MDGA2: variants seen among roughly 807,000 people sequenced by gnomAD.
The protein encoded by MDGA2 is MAM domain containing glycosylphosphatidylinositol anchor 2.
A neutral mutation model predicts 117.8 loss-of-function variants in MDGA2; 40 were observed. The observed-to-expected ratio is 0.34, with a 90% confidence interval of 0.26 to 0.44. The LOEUF is 0.44. MDGA2 is among the 20% of genes least tolerant of loss of function. The pLI, the probability that MDGA2 is intolerant of heterozygous loss-of-function variation, is 1.00. For synonymous variants in MDGA2, 452 were observed against 439.0 expected (o/e 1.03, Z -0.37); for missense variants, 1,123 against 1,250.6 (o/e 0.90, Z 1.54).
chr14:47,563,430 G>C (rs1895852050), intron 1 of MDGA2, among the ~76,000 whole-genome samples: 1 of 152,034 alleles, frequency 6.6e-6, no homozygotes, highest in Admixed American at 6.5e-5. Context: ...TGTGTTAGGT[G>C]CATATATATT....
chr14:47,551,396 C>A (rs542591848), intron 1 of MDGA2, among the ~76,000 whole-genome samples: 1 of 152,296 alleles, frequency 6.6e-6, no homozygotes, highest in South Asian at 2.1e-4. Flanking sequence ...AACATATCTA[C>A]TGCATGCAGC....
intron 1 of MDGA2, among the ~76,000 whole-genome samples, chr14:47,510,468 C>T (rs1204191470): frequency 6.6e-6 from 1 of 152,170 alleles, no homozygotes; most frequent in Admixed American, 6.5e-5. Flanking sequence ...CAAACCTTAA[C>T]TTATCTTGGC....
chr14:46,893,485 A>G (rs1010895496), intron 10 of MDGA2, among the ~76,000 whole-genome samples: 2 of 151,998 alleles, frequency 1.3e-5, no homozygotes, highest in African/African-American at 2.4e-5. Flanking sequence ...ATTTGCTAAG[A>G]GAGTCAATTT....
At chr14:46,865,152 C>A (rs1234327082) in intron 14 of MDGA2, among the ~76,000 whole-genome samples, 1 of 152,036 alleles carries the variant, frequency 6.6e-6, no homozygotes, top group Non-Finnish European at 1.5e-5. Flanking sequence ...AAATCAAACT[C>A]ATAAAATCAT....
At chr14:47,070,666 T>C (rs1185891161) in intron 6 of MDGA2, among the ~76,000 whole-genome samples, 1 of 152,140 alleles carries the variant, frequency 6.6e-6, no homozygotes, top group East Asian at 1.9e-4. Flanking sequence ...AGTGCAGTGG[T>C]GTGATCTTGG....
chr14:47,090,598 A>T (rs566581848), intron 6 of MDGA2, among the ~76,000 whole-genome samples: 1 of 152,320 alleles, frequency 6.6e-6, no homozygotes, highest in East Asian at 1.9e-4. Flanking sequence ...TGTCTGTTCC[A>T]TAACAGGGTA....
chr14:46,843,322 GAATTT>G (rs1033574804), intron 16 of MDGA2, among the ~76,000 whole-genome samples: 17 of 151,944 alleles, frequency 1.1e-4, no homozygotes, highest in African/African-American at 3.9e-4. Flanking sequence ...TCAATTTATT[GAATTT>G]ATTTATAATA....
intron 3 of MDGA2, among the ~76,000 whole-genome samples, chr14:47,205,950 G>A (rs1178403453): frequency 3.3e-5 from 5 of 151,988 alleles, no homozygotes; most frequent in African/African-American, 1.2e-4. Context: ...AATACTGAAT[G>A]CTTCACTATA....
chr14:47,118,684 C>T (rs1422936493), intron 5 of MDGA2, among the ~76,000 whole-genome samples: 1 of 152,130 alleles, frequency 6.6e-6, no homozygotes, highest in Non-Finnish European at 1.5e-5. Flanking sequence ...ATTTAACTCT[C>T]CAATGACTTG....
chr14:46,913,664 C>T (rs1309860455), intron 10 of MDGA2, among the ~76,000 whole-genome samples: 1 of 152,104 alleles, frequency 6.6e-6, no homozygotes, highest in African/African-American at 2.4e-5. Context: ...CTCGTGGTCA[C>T]CGTTTAAGAA....
At chr14:46,968,088 C>A (rs1886107799) in intron 8 of MDGA2, among the ~76,000 whole-genome samples, 1 of 152,190 alleles carries the variant, frequency 6.6e-6, no homozygotes, top group South Asian at 2.1e-4. Flanking sequence ...AGAGGAATTG[C>A]TCCAGAACTG....
At chr14:47,507,724 C>T (rs1402767619) in intron 1 of MDGA2, among the ~76,000 whole-genome samples, 4 of 152,182 alleles carry the variant, frequency 2.6e-5, no homozygotes, top group Admixed American at 6.5e-5. Flanking sequence ...GATAATACTT[C>T]TATGGATCTT....
chr14:47,174,149 A>G (rs1386694949), intron 3 of MDGA2, among the ~76,000 whole-genome samples: 3 of 152,156 alleles, frequency 2.0e-5, no homozygotes, highest in African/African-American at 4.8e-5. Flanking sequence ...TTCATAAAGC[A>G]AGTCCTGAGT....
rs1008843986 is a variant in MDGA2, at chr14:47,217,938, T to C, written c.595+83A>G. On this transcript the variant is annotated intron_variant, in intron 3 of 16. Coordinates refer to ENST00000399232, the MANE Select transcript of MDGA2 (RefSeq NM_001113498.3). The stretch of plus-strand genomic sequence containing the variant: ...TCATTCTCAGCTAAACAGAACGCTA[T>C]GGTTTTTCAGAAAACCATAGACTTG... 8.6e-6 allele frequency: 10 copies of C among 1,156,084 alleles called. 1 individual carries two copies. Among genetic ancestry groups the C allele is most frequent in the African/African-American group, 1.6e-5 (1 of 62,976 alleles). 71.6% of individuals were successfully genotyped at this position (1,156,084 alleles called of 1,614,324 possible).
intron 2 of MDGA2, among the ~76,000 whole-genome samples, chr14:47,289,843 T>A (rs1297530856): frequency 6.6e-6 from 1 of 152,116 alleles, no homozygotes; most frequent in Non-Finnish European, 1.5e-5. Flanking sequence ...CAGAGAGACA[T>A]CTAATTTCAA....
chr14:47,031,512 T>C lies in MDGA2; in HGVS notation c.1819+3499A>G, dbSNP rs192069412. 2.6e-5 allele frequency among the ~76,000 whole-genome samples: 4 copies of C among 152,304 alleles called. No homozygotes were observed. The East Asian group carries it at 7.7e-4, about 29-fold the overall frequency. ...TAGGCAGTTCCAGAATTTGTCAATG[T>C]AATAAACATCTTATGGAAGAAATCT... On this transcript the variant is annotated intron_variant, in intron 8 of 16. Coordinates refer to ENST00000399232, the MANE Select transcript of MDGA2 (RefSeq NM_001113498.3).
chr14:47,510,168 G>A (rs1391564797), intron 1 of MDGA2, among the ~76,000 whole-genome samples: 2 of 152,066 alleles, frequency 1.3e-5, no homozygotes, highest in South Asian at 2.1e-4. Context: ...CATAAAAGGG[G>A]CCCCGGAGAG....
intron 1 of MDGA2, among the ~76,000 whole-genome samples, chr14:47,486,257 T>C (rs530688766): frequency 1.3e-5 from 2 of 152,316 alleles, no homozygotes; most frequent in East Asian, 1.9e-4. Flanking sequence ...TTTGCAACTT[T>C]AGATTAGACT....
intron 1 of MDGA2, among the ~76,000 whole-genome samples, chr14:47,441,462 CG>C (rs1893009840): frequency 6.6e-6 from 1 of 151,988 alleles, no homozygotes; most frequent in Non-Finnish European, 1.5e-5. Context: ...AAATAAGTGA[CG>C]GAAGTAAAGC....
Sources: gnomAD v4.1 joint callset for allele counts (sites outside exome capture counted in the v4.1 genomes callset) on GRCh38, gnomAD v4.1.1 for gene constraint, MANE v1.5 for transcripts, NCBI Gene and HGNC (gene_info 2026-07-23, HGNC 2026-07-21) for gene names.